Variants in TPH1 observed in about 807,000 individuals in gnomAD.
TPH1 encodes the protein tryptophan 5-hydroxylase 1.
Under a neutral mutation model 49.5 loss-of-function variants are expected in TPH1, and 37 were observed. The ratio of observed to expected loss-of-function variants is 0.75; its 90% CI spans 0.58 to 0.98. The LOEUF (loss-of-function observed/expected upper bound fraction) is 0.98. TPH1 is among the 50% of genes least tolerant of loss of function. The pLI, the probability that TPH1 is intolerant of heterozygous loss-of-function variation, is 0.00. For synonymous variants in TPH1, 160 were observed against 182.1 expected, an observed-to-expected ratio of 0.88 and a Z score of 0.98; for missense variants, 487 against 523.6, an observed-to-expected ratio of 0.93 and a Z score of 0.68.
At chr11:18,036,172 G>T (rs1171785852) in intron 2 of TPH1, 30 bp from the exon 3 acceptor site, 1 of 1,555,940 alleles carries the variant, frequency 6.4e-7, no homozygotes. Context: ...AAGATTTCAT[G>T]TAACTGCCTC....
At position 18,021,032 on chromosome 11, in the gene TPH1, T is replaced by G; in HGVS notation, c.1294A>C (p.Ser432Arg). 3 of 1,614,094 alleles carry G rather than the reference T, an allele frequency of 1.9e-6. No individual in the cohort carries two copies. The South Asian group carries it at 3.3e-5, about 18-fold the overall frequency. ...NELQHDLDVVSDALAKVSRKP... is the reference protein window; with the variant it reads ...NELQHDLDVVRDALAKVSRKP... ...CTGCTGACCTTAGCAAGGGCATCAC[T>G]GACAACATCGAGATCATGCTGCAGC... The change falls in exon 11 of 11, where the codon AGT (serine) becomes CGT (arginine). Residue 432 changes from serine (S) to arginine (R), a missense_variant. By Grantham distance (110) the Ser-to-Arg change is moderately radical. Transcript: ENST00000682019.
intron 7 of TPH1, 102 bp from the exon 8 acceptor site, chr11:18,025,803 G>A: frequency 8.6e-6 from 13 of 1,506,762 alleles, no homozygotes; most frequent in Non-Finnish European, 1.1e-5. Context: ...TAATGATCGG[G>A]TGATAATACT....
At chr11:18,031,807 T>C (rs987357421) in intron 4 of TPH1, among the ~76,000 whole-genome samples, 1 of 152,166 alleles carries the variant, frequency 6.6e-6, no homozygotes, top group Non-Finnish European at 1.5e-5. Context: ...CCTGAAATCT[T>C]TTAAGGCCCA....
At chr11:18,026,973 TACA>T (rs901587544) in intron 6 of TPH1, among the ~76,000 whole-genome samples, 6 of 152,352 alleles carry the variant, frequency 3.9e-5, no homozygotes, top group African/African-American at 1.4e-4. Flanking sequence ...CCTCATGCCA[TACA>T]ACACCTTGCT....
chr11:18,036,267 CT>C (rs1164449427), intron 2 of TPH1, 125 bp from the exon 3 acceptor site: 4 of 729,934 alleles, frequency 5.5e-6, no homozygotes, highest in Non-Finnish European at 9.1e-6. Flanking sequence ...GGGAAAAAGA[CT>C]GTTTTTAGTG....
chr11:18,046,234 C>T lies in TPH1; in HGVS notation c.-27+7G>A, dbSNP rs1848140036. 1.3e-5 allele frequency among the ~76,000 whole-genome samples: 2 copies of T among 152,202 alleles called. No homozygotes were observed. The highest frequency in any genetic ancestry group is 1.3e-4 in the Admixed American group (2 of 15,286). ...CCGGTGCCCGCGGGAAGGGCCGCCT[C>T]ACTCACCTCGGGCGCCAGTAGGTGC... On this transcript the variant is annotated splice_region_variant and intron_variant, in intron 1 of 10. Coordinates refer to ENST00000682019, the MANE Select transcript of TPH1 (RefSeq NM_004179.3).
chr11:18,039,670 T>G (rs1848081984), intron 2 of TPH1, among the ~76,000 whole-genome samples: 1 of 152,212 alleles, frequency 6.6e-6, no homozygotes. Flanking sequence ...TGCAGTTGTT[T>G]GTTTAATGTT....
intron 1 of TPH1, among the ~76,000 whole-genome samples, chr11:18,044,773 AAC>A (rs56969836): frequency 0.39 from 58,799 of 149,508 alleles, 11,742 homozygotes; most frequent in Middle Eastern, 0.45. Context: ...AACAAAACAA[AAC>A]AAAAAAACAC....
At chr11:18,023,012 T>A in intron 9 of TPH1, 81 bp from the exon 10 acceptor site, 1 of 1,456,172 alleles carries the variant, frequency 6.9e-7, no homozygotes, top group Non-Finnish European at 9.5e-7. Context: ...GGCTCACCTC[T>A]AAACATATTA....
Position 18,033,261 on chromosome 11 carries a change from AG to A in TPH1, c.402+12del. 6.2e-7 allele frequency: 1 copy of A among 1,606,790 alleles called. No homozygotes were observed. Among genetic ancestry groups the A allele is most frequent in the Non-Finnish European group, 8.5e-7 (1 of 1,173,458 alleles). ...GAGCAAGACTTGCTCTTAAAAAAAA[AG>A]AAAATACTTACAGGATGGTCTGCAT... On this transcript the variant is annotated intron_variant, in intron 4 of 10. Coordinates refer to ENST00000682019, the MANE Select transcript of TPH1 (RefSeq NM_004179.3).
chr11:18,023,096 C>CA (rs1250158170), intron 9 of TPH1, 165 bp from the exon 10 acceptor site: 26 of 705,420 alleles, frequency 3.7e-5, no homozygotes, highest in Non-Finnish European at 4.9e-5. Flanking sequence ...TACACTCCAG[C>CA]AAAAAAAATG....
intron 2 of TPH1, among the ~76,000 whole-genome samples, chr11:18,037,029 C>A (rs1157048101): frequency 6.6e-6 from 1 of 152,084 alleles, no homozygotes; most frequent in African/African-American, 2.4e-5. Flanking sequence ...TAGAAAGTTT[C>A]ATGGAGCAGG....
intron 1 of TPH1, chr11:18,042,417 C>T (rs1460274454): frequency 2.0e-5 from 9 of 446,476 alleles, no homozygotes; most frequent in Admixed American, 2.5e-5. Flanking sequence ...AGAGTATGGG[C>T]GACGTTGTCC....
At chr11:18,031,999 G>A (rs545062082) in intron 4 of TPH1, among the ~76,000 whole-genome samples, 133 of 151,688 alleles carry the variant, frequency 8.8e-4, no homozygotes, top group African/African-American at 2.7e-3. Flanking sequence ...GCTCCTTTCC[G>A]GCAAGTACTG....
chr11:18,041,135 A>G, intron 1 of TPH1: 1 of 196,478 alleles, frequency 5.1e-6, no homozygotes, highest in Non-Finnish European at 1.0e-5. Context: ...CTTGCCCACA[A>G]TCTTAGCACT....
intron 9 of TPH1, among the ~76,000 whole-genome samples, chr11:18,023,531 A>ATG (rs1491135561): frequency 1.3e-5 from 2 of 152,078 alleles, no homozygotes; most frequent in Admixed American, 6.6e-5. Context: ...AAAATATTTC[A>ATG]TGTGTGTGTG....
At chr11:18,029,652 C>A in intron 4 of TPH1, 73 bp from the exon 5 acceptor site, 1 of 1,210,694 alleles carries the variant, frequency 8.3e-7, no homozygotes, top group Non-Finnish European at 1.2e-6. Context: ...GGAAACATTT[C>A]ATTATTACTA....
chr11:18,025,372 A>G (rs537036541), intron 8 of TPH1, among the ~76,000 whole-genome samples: 1 of 150,614 alleles, frequency 6.6e-6, no homozygotes, highest in African/African-American at 2.4e-5. Context: ...TCTCTTTTTT[A>G]TCCTTTCCTC....
intron 4 of TPH1, among the ~76,000 whole-genome samples, chr11:18,029,794 A>G (rs1192011813): frequency 6.6e-6 from 1 of 152,230 alleles, no homozygotes; most frequent in Non-Finnish European, 1.5e-5. Flanking sequence ...GATAAAAGAT[A>G]TAATGGATAC....
Sources: allele counts gnomAD v4.1 joint callset (sites outside exome capture counted in the v4.1 genomes callset), GRCh38; gene constraint gnomAD v4.1.1; transcripts MANE v1.5; gene names NCBI Gene and HGNC (gene_info 2026-07-23, HGNC 2026-07-21).